Variants in AGO3 observed in about 807,000 individuals in gnomAD.
AGO3 encodes protein argonaute-3.
AGO3 carries 16 observed loss-of-function variants against 105.5 expected under a neutral mutation model. The ratio of observed to expected loss-of-function variants is 0.15; its 90% CI spans 0.10 to 0.23. AGO3 has a LOEUF of 0.23. AGO3 is among the 10% of genes least tolerant of loss of function. The probability of loss-of-function intolerance (pLI) is 1.00; values close to 1 mark genes in which losing one functional copy is unlikely to be tolerated. For missense variants in AGO3, 534 were observed against 1,088.0 expected (o/e 0.49, Z 7.16); for synonymous variants, 340 against 367.3 (o/e 0.93, Z 0.85).
chr1:36,023,293 T>C (rs1367993940), intron 11 of AGO3, among the ~76,000 whole-genome samples: 1 of 152,270 alleles, frequency 6.6e-6, no homozygotes, highest in East Asian at 1.9e-4. Context: ...AGAGTCTGAC[T>C]GGTACCATGC....
Position 36,057,804 on chromosome 1 carries a change from C to A in AGO3, c.*2059C>A, listed in dbSNP as rs911777018. 2.0e-5 allele frequency: 3 copies of A among 152,126 alleles called. No homozygotes were observed. Among genetic ancestry groups the A allele is most frequent in the East Asian group, 1.9e-4 (1 of 5,202 alleles). The allele number at this position is 152,126 out of a possible 1,614,324, so 9.4% of individuals were successfully genotyped here. On this transcript the variant is annotated 3_prime_UTR_variant, in exon 19 of 19. Coordinates refer to ENST00000373191, the MANE Select transcript of AGO3 (RefSeq NM_024852.4). ...CCAGCCTGGCCAACGTGGTGAAACCCCGTCTCTACTAAAAATACAAAAATT... is the reference window on the plus strand; with the variant it reads ...CCAGCCTGGCCAACGTGGTGAAACCACGTCTCTACTAAAAATACAAAAATT...
intron 11 of AGO3, among the ~76,000 whole-genome samples, chr1:36,017,669 G>A (rs1394776373): frequency 6.6e-6 from 1 of 152,130 alleles, no homozygotes; most frequent in Non-Finnish European, 1.5e-5. Flanking sequence ...TTGGGAGGCT[G>A]AGGTGGGCAG....
intron 11 of AGO3, among the ~76,000 whole-genome samples, chr1:36,026,289 G>A (rs1569850946): frequency 6.6e-6 from 1 of 151,794 alleles, no homozygotes; most frequent in Non-Finnish European, 1.5e-5. Context: ...CGTATTTTTA[G>A]TAGATATGGG....
chr1:36,024,886 A>G (rs1450256100), intron 11 of AGO3, among the ~76,000 whole-genome samples: 1 of 151,308 alleles, frequency 6.6e-6, no homozygotes, highest in Non-Finnish European at 1.5e-5. Context: ...GAAGCATCGT[A>G]TTCCTTCTAT....
Position 35,956,172 on chromosome 1 carries a change from GA to G in AGO3, c.191+10310del, listed in dbSNP as rs1646561779. ...AGACACAGTGGCAATAATGATGATGGAGGGCATAGATGGAAGATTTAGAAAA... is the reference window on the plus strand; with the variant it reads ...AGACACAGTGGCAATAATGATGATGGGGGCATAGATGGAAGATTTAGAAAA... On this transcript the variant is annotated intron_variant, in intron 2 of 18. Transcript: ENST00000373191. Among the ~76,000 whole-genome samples the G allele has an allele frequency of 3.3e-5, 5 of 152,242 alleles. No homozygotes were observed. In the South Asian group the frequency reaches 1.0e-3, roughly 32 times the overall value.
chr1:35,979,839 G>A (rs1174373858), intron 5 of AGO3, among the ~76,000 whole-genome samples: 1 of 151,620 alleles, frequency 6.6e-6, no homozygotes, highest in Non-Finnish European at 1.5e-5. Flanking sequence ...GGTATATCTT[G>A]ATGACAGCAT....
chr1:35,969,114 G>T (rs1341388402), intron 3 of AGO3, among the ~76,000 whole-genome samples: 3 of 151,816 alleles, frequency 2.0e-5, no homozygotes, highest in Admixed American at 1.3e-4. Flanking sequence ...TGGGTTTTGG[G>T]CAGTGAGTTG....
In AGO3 at chr1:36,013,902, T is replaced by C. The variant is rs559379278; in HGVS notation, c.1273-13T>C. 1.2e-6 allele frequency: 2 copies of C among 1,602,552 alleles called. No individual in the cohort carries two copies. Among genetic ancestry groups the C allele is most frequent in the Admixed American group, 3.4e-5 (2 of 58,168 alleles). ...GTTCTTTTTCACCATGTTATTTTTT[T>C]CTCCTCGTGTAGAATCGGACAGTAG... On this transcript the variant is annotated splice_polypyrimidine_tract_variant and intron_variant, in intron 10 of 18. Transcript: ENST00000373191.
At chr1:35,961,788 G>A (rs1249118698) in intron 2 of AGO3, among the ~76,000 whole-genome samples, 1 of 152,096 alleles carries the variant, frequency 6.6e-6, no homozygotes, top group Non-Finnish European at 1.5e-5. Context: ...GATTATCTGA[G>A]TACTTAAATA....
intron 11 of AGO3, among the ~76,000 whole-genome samples, chr1:36,024,884 G>T (rs551004798): frequency 6.6e-6 from 1 of 151,902 alleles, no homozygotes; most frequent in Non-Finnish European, 1.5e-5. Context: ...CTGAAGCATC[G>T]TATTCCTTCT....
intron 5 of AGO3, among the ~76,000 whole-genome samples, chr1:36,000,654 C>G (rs1640040525): frequency 6.6e-6 from 1 of 151,994 alleles, no homozygotes; most frequent in African/African-American, 2.4e-5. Context: ...TAACCCAGAT[C>G]AATATGTGCT....
intron 5 of AGO3, chr1:35,983,532 G>A (rs1248633039): frequency 6.6e-6 from 1 of 152,084 alleles, no homozygotes; most frequent in Non-Finnish European, 1.5e-5. Flanking sequence ...CAAGGCTGTG[G>A]TGAGCCATGA....
At chr1:36,035,390 G>A (rs926292695) in intron 13 of AGO3, among the ~76,000 whole-genome samples, 28 of 152,086 alleles carry the variant, frequency 1.8e-4, no homozygotes, top group African/African-American at 6.8e-4. Flanking sequence ...AACACAGTGA[G>A]ACCCTGTCTC....
At chr1:35,953,136 G>C (rs528502092) in intron 2 of AGO3, among the ~76,000 whole-genome samples, 86 of 152,222 alleles carry the variant, frequency 5.6e-4, no homozygotes, top group African/African-American at 2.0e-3. Flanking sequence ...CTTTTCCAAA[G>C]TGGCTGCACC....
chr1:36,021,687 C>G (rs1641233616), intron 11 of AGO3, among the ~76,000 whole-genome samples: 1 of 152,076 alleles, frequency 6.6e-6, no homozygotes, highest in Non-Finnish European at 1.5e-5. Context: ...TCCAATATGT[C>G]AAAGATTGAA....
rs770736938 is a variant in AGO3, at chr1:36,055,229, G to A, written c.2474+84G>A. 5.7e-6 allele frequency: 8 copies of A among 1,408,868 alleles called. No individual in the cohort carries two copies. The East Asian group carries it at 1.0e-4, about 18-fold the overall frequency. The allele number at this position is 1,408,868 out of a possible 1,614,324, so 87.3% of individuals were successfully genotyped here. A position where few individuals can be genotyped will look rare whatever the true frequency, so the allele number is the denominator to read the frequency against. ...TTTTCAAGTTCCACAAGCTATTAGCGGAGTCAGTGATCCATGTGAAAAATG... is the reference window on the plus strand; with the variant it reads ...TTTTCAAGTTCCACAAGCTATTAGCAGAGTCAGTGATCCATGTGAAAAATG... On this transcript the variant is annotated intron_variant, in intron 18 of 18. Coordinates refer to ENST00000373191, the MANE Select transcript of AGO3 (RefSeq NM_024852.4). The surrounding 1 kb of genome is among the most constrained non-coding windows in gnomAD (Gnocchi z 4.4).
At chr1:36,001,343 A>G (rs1373234242) in intron 5 of AGO3, among the ~76,000 whole-genome samples, 2 of 152,246 alleles carry the variant, frequency 1.3e-5, no homozygotes, top group Non-Finnish European at 1.5e-5. Flanking sequence ...GTGCACAGGA[A>G]CATTCATTGG....
intron 17 of AGO3, among the ~76,000 whole-genome samples, chr1:36,048,692 T>C (rs1029723253): frequency 2.0e-5 from 3 of 152,190 alleles, no homozygotes; most frequent in African/African-American, 7.2e-5. Context: ...ACTGAAAAGA[T>C]GTAGACTGGC....
At position 36,063,359 on chromosome 1, in the gene AGO3, A is replaced by G. The variant is rs1227090335; in HGVS notation, c.*7614A>G. ...AACCTGTCAAATAAATAATTGTTACATGCCTTTTTTTTTTAAATTTAAGCA... is the reference window on the plus strand; with the variant it reads ...AACCTGTCAAATAAATAATTGTTACGTGCCTTTTTTTTTTAAATTTAAGCA... On this transcript the variant is annotated 3_prime_UTR_variant, in exon 19 of 19. Transcript: ENST00000373191. 1.3e-5 allele frequency: 2 copies of G among 151,822 alleles called. No homozygotes were observed. Among genetic ancestry groups the G allele is most frequent in the Admixed American group, 1.3e-4 (2 of 15,234 alleles). 9.4% of individuals were successfully genotyped at this position (151,822 alleles called of 1,614,324 possible).
Sources: gnomAD v4.1 joint callset for allele counts (sites outside exome capture counted in the v4.1 genomes callset) on GRCh38, gnomAD v4.1.1 for gene constraint, Gnocchi (gnomAD v3.1) non-coding constraint, MANE v1.5 for transcripts, NCBI Gene and HGNC (gene_info 2026-07-23, HGNC 2026-07-21) for gene names.